Variants in PGS1 observed in about 807,000 individuals in gnomAD.
PGS1 encodes the protein CDP-diacylglycerol--glycerol-3-phosphate 3-phosphatidyltransferase, mitochondrial.
PGS1 carries 44 observed loss-of-function variants against 58.3 expected under a neutral mutation model. That is an observed-to-expected ratio of 0.75 (90% CI 0.59 to 0.97). The LOEUF is 0.97. Ranked by LOEUF, PGS1 falls within the 50% of genes least tolerant of loss-of-function variation. The pLI, the probability that PGS1 is intolerant of heterozygous loss-of-function variation, is 0.00. For synonymous variants in PGS1, 330 were observed against 311.0 expected (o/e 1.06, Z -0.64); for missense variants, 684 against 731.1 (o/e 0.94, Z 0.74).
chr17:78,395,746 A>T (rs1189773335), intron 2 of PGS1, among the ~76,000 whole-genome samples: 1 of 152,174 alleles, frequency 6.6e-6, no homozygotes, highest in Non-Finnish European at 1.5e-5. Flanking sequence ...GAAGGTAAAG[A>T]GGGCAGGTTT....
intron 2 of PGS1, 33 bp from the exon 3 acceptor site, chr17:78,396,275 G>C (rs2083224038): frequency 6.5e-7 from 1 of 1,539,120 alleles, no homozygotes; most frequent in Non-Finnish European, 9.0e-7. Flanking sequence ...TGAAAATGAT[G>C]AATTTGAATT....
At chr17:78,380,571 A>G (rs533005887) in intron 1 of PGS1, among the ~76,000 whole-genome samples, 3 of 152,358 alleles carry the variant, frequency 2.0e-5, no homozygotes, top group African/African-American at 7.2e-5. Context: ...GTGTTTAACA[A>G]AAGACCTGCT....
At position 78,423,986 on chromosome 17, in the gene PGS1, C is replaced by T. The variant is rs1555646645; in HGVS notation, c.*11-75C>T. On this transcript the variant is annotated intron_variant, in intron 9 of 9. Coordinates refer to ENST00000262764, the MANE Select transcript of PGS1 (RefSeq NM_024419.5). ...TTGGTCTTCAAGTTAAAGGTCCAGA[C>T]ATAGGTGGGGCCGCGGATGCGTGTT... The T allele has an allele frequency of 1.9e-6, 3 of 1,614,056 alleles. No homozygotes were observed. In the Admixed American group the frequency reaches 5.0e-5, roughly 27 times the overall value.
intron 7 of PGS1, among the ~76,000 whole-genome samples, chr17:78,410,384 G>A (rs1257152921): frequency 6.7e-5 from 10 of 150,212 alleles, no homozygotes; most frequent in African/African-American, 1.7e-4. Context: ...AGCCAAGATC[G>A]CGCCATTGCA....
chr17:78,399,308 C>T (rs1439775640), intron 4 of PGS1, 40 bp from the exon 5 acceptor site: 3 of 1,550,434 alleles, frequency 1.9e-6, no homozygotes, highest in Non-Finnish European at 2.7e-6. Context: ...GGACGCCTTC[C>T]TGTTGTGAGT....
chr17:78,396,370 T>C lies in PGS1; in HGVS notation c.396T>C (p.Pro132=). Residue 132 remains proline (P), a synonymous_variant, in exon 3 of 10, where the codon CCT becomes CCC. Transcript: ENST00000262764. ...VMASLYLGTG[P]LEQELVDCLE... is the part of the protein sequence containing the mutation. ...CATCCCTCTACCTGGGGACAGGTCC[T>C]TTGGAACAGGAGCTGGTAAGGTTTA... 1 of 1,611,752 alleles carries C rather than the reference T, an allele frequency of 6.2e-7. No homozygotes were observed. Among genetic ancestry groups the C allele is most frequent in the Non-Finnish European group, 8.5e-7 (1 of 1,178,550 alleles).
Position 78,400,739 on chromosome 17 carries a change from G to A in PGS1, c.764G>A (p.Cys255Tyr), listed in dbSNP as rs1430508084. 6.2e-7 allele frequency: 1 copy of A among 1,614,006 alleles called. No homozygotes were observed. Among genetic ancestry groups the A allele is most frequent in the African/African-American group, 1.3e-5 (1 of 74,930 alleles). The change falls in exon 6 of 10, where the codon TGT becomes TAT. Residue 255 changes from cysteine (C) to tyrosine (Y), a missense_variant. Transcript: ENST00000262764. The surrounding 1 kb of genome is among the most constrained non-coding windows in gnomAD (Gnocchi z 4.4). Reference sequence around the variant, plus strand: ...GACCGCTACGTGTTCCTGCAGGACTGTGCGGAGATTGCCGACTTCTTCACG... The same window carrying A: ...GACCGCTACGTGTTCCTGCAGGACTATGCGGAGATTGCCGACTTCTTCACG... ...RQDRYVFLQD[C>Y]AEIADFFTEL...
At chr17:78,402,409 TATATATATATATATATATACAC>T (rs779594031) in intron 6 of PGS1, among the ~76,000 whole-genome samples, 35 of 34,194 alleles carry the variant, frequency 1.0e-3, no homozygotes, top group African/African-American at 5.0e-3. Context: ...TATATATATA[TATATATATATATATATATACAC>T]ACACACACAC....
chr17:78,414,157 G>A (rs1333667596), intron 7 of PGS1, among the ~76,000 whole-genome samples: 1 of 152,222 alleles, frequency 6.6e-6, no homozygotes, highest in Non-Finnish European at 1.5e-5. Flanking sequence ...TCAGCAACTT[G>A]AAATAGGGAG....
chr17:78,412,994 C>T (rs997697973), intron 7 of PGS1, among the ~76,000 whole-genome samples: 10 of 152,184 alleles, frequency 6.6e-5, no homozygotes, highest in Admixed American at 1.3e-4. Flanking sequence ...GAGTGCTGTT[C>T]GGCTTGGACC....
At chr17:78,399,239 T>C in intron 4 of PGS1, 109 bp from the exon 5 acceptor site, 1 of 796,662 alleles carries the variant, frequency 1.3e-6, no homozygotes, top group South Asian at 1.6e-5. Flanking sequence ...TGTGACTGAT[T>C]CAGGTGGACG....
At chr17:78,384,882 A>G (rs2082270344) in intron 1 of PGS1, among the ~76,000 whole-genome samples, 1 of 152,212 alleles carries the variant, frequency 6.6e-6, no homozygotes. Context: ...AGGGACGTCT[A>G]AAGGTGCAGT....
intron 8 of PGS1, among the ~76,000 whole-genome samples, chr17:78,419,036 G>A (rs963066222): frequency 6.6e-6 from 1 of 151,714 alleles, no homozygotes; most frequent in Non-Finnish European, 1.5e-5. Flanking sequence ...TTGAGACAAG[G>A]TCTCACTTTG....
At position 78,419,590 on chromosome 17, in the gene PGS1, C is replaced by A; in HGVS notation, c.1596C>A (p.Ala532=). ...TGAGGTCAGGTGTGGTGTCCTCTGC[C>A]ACCTTCGAGCAGCCGAGTCGCCAGG... ...LYLRSGVVSS[A]TFEQPSRQVK... is the part of the protein sequence containing the mutation. The change falls in exon 9 of 10, where the codon GCC becomes GCA. Residue 532 remains alanine (A), a synonymous_variant. Coordinates refer to ENST00000262764, the MANE Select transcript of PGS1 (RefSeq NM_024419.5). 6.2e-7 allele frequency: 1 copy of A among 1,614,100 alleles called. No individual in the cohort carries two copies. The highest frequency in any genetic ancestry group is 1.1e-5 in the South Asian group (1 of 91,078).
Position 78,398,340 on chromosome 17 carries a change from G to A in PGS1, c.500G>A (p.Arg167Gln), listed in dbSNP as rs1438232728. 2.5e-6 allele frequency: 4 copies of A among 1,612,604 alleles called. No homozygotes were observed. Among genetic ancestry groups the A allele is most frequent in the African/African-American group, 1.3e-5 (1 of 74,850 alleles). Residue 167 changes from arginine (R) to glutamine (Q), a missense_variant, in exon 4 of 10, where the codon CGG becomes CAG. Physicochemically the swap from Arg to Gln is conservative, Grantham distance 43. Transcript: ENST00000262764. ...GTCTCCATTCTCTTAGACTTCACGC[G>A]GGGCTCACGAGGTAGGTGGCATGCA... is the stretch of plus-strand genomic sequence containing the variant. ...LKVSILLDFT[R>Q]GSRGRKNSRT...
At chr17:78,391,299 C>A (rs757700641) in intron 1 of PGS1, among the ~76,000 whole-genome samples, 1 of 152,170 alleles carries the variant, frequency 6.6e-6, no homozygotes, top group East Asian at 1.9e-4. Context: ...TCTCTCCCTG[C>A]TCCAGCTTTT....
chr17:78,378,661 T>C lies in PGS1; in HGVS notation c.-5T>C. 1.3e-6 allele frequency: 2 copies of C among 1,529,430 alleles called. No homozygotes were observed. Among genetic ancestry groups the C allele is most frequent in the Non-Finnish European group, 8.7e-7 (1 of 1,146,534 alleles). The allele number at this position is 1,529,430 out of a possible 1,614,324, so 94.7% of individuals were successfully genotyped here. On this transcript the variant is annotated 5_prime_UTR_variant, in exon 1 of 10. Transcript: ENST00000262764. The stretch of plus-strand genomic sequence containing the variant: ...CGGGAGCGGAAGCGGAAGCGGCGAG[T>C]CTCCATGGCGGTGGCGGCGGCAGCT...
chr17:78,419,614 G>C lies in PGS1; in HGVS notation c.1620G>C (p.Gln540His). The C allele has an allele frequency of 3.7e-6, 6 of 1,614,160 alleles. No individual in the cohort carries two copies. In the South Asian group the frequency reaches 5.5e-5, roughly 15 times the overall value. The change falls in exon 9 of 10, where the codon CAG (glutamine) becomes CAC (histidine). Residue 540 changes from glutamine (Q) to histidine (H), a missense_variant. Transcript: ENST00000262764. ...CCACCTTCGAGCAGCCGAGTCGCCAGGTGAAGCTGTGGGTGAAGATGGTGA... is the reference window on the plus strand; with the variant it reads ...CCACCTTCGAGCAGCCGAGTCGCCACGTGAAGCTGTGGGTGAAGATGGTGA... ...SSATFEQPSR[Q>H]VKLWVKMVTP... is the part of the protein sequence containing the mutation.
intron 9 of PGS1, 42 bp downstream of exon 9, chr17:78,419,717 A>G (rs1364882045): frequency 6.2e-7 from 1 of 1,607,702 alleles, no homozygotes; most frequent in Admixed American, 1.7e-5. Context: ...TTTTCCCGAG[A>G]GTTCACAGGT....
Sources: gnomAD v4.1 joint callset for allele counts (sites outside exome capture counted in the v4.1 genomes callset) on GRCh38, gnomAD v4.1.1 for gene constraint, Gnocchi (gnomAD v3.1) non-coding constraint, MANE v1.5 for transcripts, NCBI Gene and HGNC (gene_info 2026-07-23, HGNC 2026-07-21) for gene names.